ADAM22: variants seen among roughly 807,000 people sequenced by gnomAD.
ADAM22 encodes ADAM metallopeptidase domain 22, also known as disintegrin and metalloproteinase domain-containing protein 22.
ADAM22 carries 65 observed loss-of-function variants against 144.6 expected under a neutral mutation model. The ratio of observed to expected loss-of-function variants is 0.45; its 90% CI spans 0.37 to 0.55. ADAM22 has a LOEUF of 0.55. ADAM22 is among the 20% of genes least tolerant of loss of function. The pLI is 0.00. For missense variants in ADAM22, 974 were observed against 1,184.9 expected (o/e 0.82, Z 2.61); for synonymous variants, 391 against 412.6 (o/e 0.95, Z 0.63).
At chr7:88,118,846 A>G (rs1828513649) in intron 7 of ADAM22, among the ~76,000 whole-genome samples, 1 of 152,120 alleles carries the variant, frequency 6.6e-6, no homozygotes, top group Non-Finnish European at 1.5e-5. Context: ...GTCAATTTTG[A>G]GAGAGTTTGT....
At chr7:88,168,049 T>C in intron 24 of ADAM22, 88 bp from the exon 25 acceptor site, 1 of 1,037,154 alleles carries the variant, frequency 9.6e-7, no homozygotes, top group Non-Finnish European at 1.4e-6. Context: ...AACAGTGTTG[T>C]TAGTGTGATG....
intron 3 of ADAM22, among the ~76,000 whole-genome samples, chr7:88,070,261 T>C (rs891271749): frequency 2.6e-5 from 4 of 152,198 alleles, no homozygotes; most frequent in Non-Finnish European, 5.9e-5. Context: ...TGAAGATCCA[T>C]ACTAGCCTTT....
In ADAM22 at chr7:88,178,980, C is replaced by G. The variant is rs1253721265; in HGVS notation, c.2346C>G (p.Asp782Glu). ...ATGTAAAAAAGCCTGGAGATGGTGA[C>G]TCTTTTTATAGCGACATTCCTCCCG... ...GDYVKKPGDG[D>E]SFYSDIPPGV... Residue 782 changes from aspartate (D) to glutamate (E), a missense_variant, in exon 27 of 32, where the codon GAC becomes GAG. Transcript: ENST00000413139. 1.2e-6 allele frequency: 2 copies of G among 1,613,014 alleles called. No homozygotes were observed. The highest frequency in any genetic ancestry group is 2.2e-5 in the East Asian group (1 of 44,826).
intron 3 of ADAM22, among the ~76,000 whole-genome samples, chr7:88,002,556 C>T (rs1427024352): frequency 6.6e-6 from 1 of 151,972 alleles, no homozygotes; most frequent in African/African-American, 2.4e-5. Flanking sequence ...TTCTCTGTGA[C>T]AAAAATGTTT....
At position 87,964,593 on chromosome 7, in the gene ADAM22, G is replaced by A. The variant is rs189367925; in HGVS notation, c.247-13743G>A. The A allele has an allele frequency of 2.4e-3, 960 of 407,114 alleles. 3 individuals carry two copies. The highest frequency in any genetic ancestry group is 0.019 in the African/African-American group (903 of 47,394). The allele number at this position is 407,114 out of a possible 1,614,324, so 25.2% of individuals were successfully genotyped here. A position where few individuals can be genotyped will look rare whatever the true frequency, so the allele number is the denominator to read the frequency against. On this transcript the variant is annotated intron_variant, in intron 2 of 31. Transcript: ENST00000413139. Reference sequence around the variant, plus strand: ...TTTCAACCCCTTAGGTTTTTTATTAGAACGTGTTTGAAAAATTGTACTCAT... The same window carrying A: ...TTTCAACCCCTTAGGTTTTTTATTAAAACGTGTTTGAAAAATTGTACTCAT...
chr7:88,184,615 T>G (rs1362982676), intron 29 of ADAM22, among the ~76,000 whole-genome samples: 4 of 152,142 alleles, frequency 2.6e-5, no homozygotes, highest in African/African-American at 7.2e-5. Context: ...CATTTTTTTT[T>G]GCATGTCGCG....
chr7:88,173,734 G>A (rs914518789), intron 26 of ADAM22, among the ~76,000 whole-genome samples: 4 of 152,072 alleles, frequency 2.6e-5, no homozygotes, highest in African/African-American at 9.7e-5. Flanking sequence ...AGGGAGACCA[G>A]TCCACAAGGA....
At chr7:88,135,686 T>C (rs1832845987) in intron 13 of ADAM22, among the ~76,000 whole-genome samples, 2 of 152,178 alleles carry the variant, frequency 1.3e-5, no homozygotes, top group Non-Finnish European at 2.9e-5. Context: ...CATTCTTCCA[T>C]TGGTATTTGA....
intron 3 of ADAM22, among the ~76,000 whole-genome samples, chr7:87,991,834 T>G (rs1789976749): frequency 6.6e-6 from 1 of 152,108 alleles, no homozygotes; most frequent in African/African-American, 2.4e-5. Context: ...CCATAGTAAG[T>G]TTGAGGTGAT....
At chr7:87,962,516 T>C (rs1349042505) in intron 2 of ADAM22, among the ~76,000 whole-genome samples, 1 of 152,240 alleles carries the variant, frequency 6.6e-6, no homozygotes. Context: ...ACAATTCTGA[T>C]TCCTGAATAC....
intron 8 of ADAM22, among the ~76,000 whole-genome samples, chr7:88,128,177 T>TATTTA (rs1830898791): frequency 1.3e-5 from 2 of 151,972 alleles, no homozygotes; most frequent in Non-Finnish European, 2.9e-5. Flanking sequence ...AAAAGAATGC[T>TATTTA]CTTCATATGT....
Position 88,034,193 on chromosome 7 carries a change from G to A in ADAM22, c.324-41433G>A, listed in dbSNP as rs559357491. 8.1e-4 allele frequency among the ~76,000 whole-genome samples: 124 copies of A among 152,250 alleles called. 2 individuals carry two copies. In the South Asian group the frequency reaches 0.024, roughly 30 times the overall value. On this transcript the variant is annotated intron_variant, in intron 3 of 31. Coordinates refer to ENST00000413139, the MANE Select transcript of ADAM22 (RefSeq NM_001324418.2). ...CTCAGAGTCTCACCCCAGGCCCACGGCATGTACTGCTTGGCTACTGCTGCC... is the reference window on the plus strand; with the variant it reads ...CTCAGAGTCTCACCCCAGGCCCACGACATGTACTGCTTGGCTACTGCTGCC...
intron 3 of ADAM22, among the ~76,000 whole-genome samples, chr7:88,057,641 A>G (rs186123041): frequency 3.5e-4 from 53 of 152,360 alleles, no homozygotes; most frequent in African/African-American, 1.2e-3. Context: ...GTGAAAACAC[A>G]AAGACATTTT....
At chr7:88,145,228 T>C (rs1345927049) in intron 16 of ADAM22, 32 bp downstream of exon 16, 1 of 1,610,400 alleles carries the variant, frequency 6.2e-7, no homozygotes, top group Non-Finnish European at 8.5e-7. Context: ...TGATATTTTC[T>C]AGGTAATTCA....
chr7:88,129,377 T>G (rs1388383674), intron 9 of ADAM22, among the ~76,000 whole-genome samples: 1 of 152,058 alleles, frequency 6.6e-6, no homozygotes, highest in Non-Finnish European at 1.5e-5. Flanking sequence ...TACAAGTGCA[T>G]TTTAATTTAC....
intron 3 of ADAM22, among the ~76,000 whole-genome samples, chr7:87,997,152 C>T (rs1791432185): frequency 6.6e-6 from 1 of 152,102 alleles, no homozygotes; most frequent in Admixed American, 6.5e-5. Context: ...TAAGGTTTTA[C>T]TAAAAGTTTC....
chr7:88,190,703 C>A (rs112796653), intron 30 of ADAM22, among the ~76,000 whole-genome samples: 4 of 152,214 alleles, frequency 2.6e-5, no homozygotes, highest in African/African-American at 9.6e-5. Context: ...GCCTGGAGAT[C>A]GTTTTGAAGA....
rs550230711 is a variant in ADAM22, at chr7:88,075,466, G to C, written c.324-160G>C. Among the ~76,000 whole-genome samples the C allele has an allele frequency of 5.5e-4, 66 of 119,556 alleles. 1 individual carries two copies. The Middle Eastern group carries it at 0.02, about 37-fold the overall frequency. The allele number at this position is 119,556 out of a possible 152,430, so 78.4% of individuals were successfully genotyped here. ...AGAAATACTGGGTGTGTGTGTGTCTGTGTGTGTGTGTGAGTGTGAGAGAGA... is the reference window on the plus strand; with the variant it reads ...AGAAATACTGGGTGTGTGTGTGTCTCTGTGTGTGTGTGAGTGTGAGAGAGA... On this transcript the variant is annotated intron_variant, in intron 3 of 31. Coordinates refer to ENST00000413139, the MANE Select transcript of ADAM22 (RefSeq NM_001324418.2).
At chr7:88,059,365 A>T (rs1304588488) in intron 3 of ADAM22, among the ~76,000 whole-genome samples, 1 of 152,226 alleles carries the variant, frequency 6.6e-6, no homozygotes, top group Non-Finnish European at 1.5e-5. Context: ...AAACAAATGA[A>T]TTCAGTTGAA....
Sources: allele counts gnomAD v4.1 joint callset (sites outside exome capture counted in the v4.1 genomes callset), GRCh38; gene constraint gnomAD v4.1.1; transcripts MANE v1.5; gene names NCBI Gene and HGNC (gene_info 2026-07-23, HGNC 2026-07-21).